The following YARS1 variants were observed in gnomAD, a reference collection of about 807,000 sequenced individuals.
YARS1 encodes tyrosine--tRNA ligase, cytoplasmic.
Under a neutral mutation model 62.2 loss-of-function variants are expected in YARS1, and 36 were observed. The observed-to-expected ratio is 0.58, with a 90% CI of 0.44 to 0.76. The LOEUF (loss-of-function observed/expected upper bound fraction) is 0.76. Ranked by LOEUF, YARS1 falls within the 30% of genes least tolerant of loss-of-function variation. The probability of loss-of-function intolerance (pLI) is 0.00; values close to 1 mark genes in which losing one functional copy is unlikely to be tolerated. For synonymous variants in YARS1, 234 were observed against 244.9 expected, an observed-to-expected ratio of 0.96 and a Z score of 0.42; for missense variants, 524 against 639.8, an observed-to-expected ratio of 0.82 and a Z score of 1.95.
chr1:32,795,331 A>C (rs1239243623), intron 5 of YARS1, among the ~76,000 whole-genome samples: 1 of 152,138 alleles, frequency 6.6e-6, no homozygotes, highest in Non-Finnish European at 1.5e-5. Flanking sequence ...AAAACAAAAA[A>C]CAAACAAACA....
At chr1:32,815,592 A>G (rs992669417) in intron 1 of YARS1, among the ~76,000 whole-genome samples, 1 of 152,242 alleles carries the variant, frequency 6.6e-6, no homozygotes, top group African/African-American at 2.4e-5. Context: ...TCAACCATAA[A>G]AAGGAATGAC....
At chr1:32,789,320 T>C (rs930419357) in intron 6 of YARS1, among the ~76,000 whole-genome samples, 7 of 152,226 alleles carry the variant, frequency 4.6e-5, no homozygotes, top group African/African-American at 1.7e-4. Flanking sequence ...AAATTGTTTT[T>C]TGAAAGGTAT....
chr1:32,781,048 C>T lies in YARS1; in HGVS notation c.1140G>A (p.Lys380=), dbSNP rs1487219726. 1.2e-6 allele frequency: 2 copies of T among 1,613,976 alleles called. No individual in the cohort carries two copies. The highest frequency in any genetic ancestry group is 1.1e-5 in the South Asian group (1 of 91,072). ...CTGAGATGTGGTGAAAAATGAGTAC[C>T]TTCTCCACAGTGATGATTTTCCCCA... ...IRVGKIITVE[K]HPDADSLYVE... Residue 380 remains lysine (K), a splice_region_variant and synonymous_variant, in exon 10 of 13, where the codon AAG becomes AAA. Coordinates refer to ENST00000373477, the MANE Select transcript of YARS1 (RefSeq NM_003680.4).
chr1:32,785,590 T>G (rs1653198796), intron 8 of YARS1, among the ~76,000 whole-genome samples: 1 of 151,996 alleles, frequency 6.6e-6, no homozygotes, highest in East Asian at 1.9e-4. Flanking sequence ...TCCTTTCTTT[T>G]TTTCTTTTTG....
At chr1:32,802,884 C>T (rs1638334633) in intron 4 of YARS1, among the ~76,000 whole-genome samples, 2 of 152,046 alleles carry the variant, frequency 1.3e-5, no homozygotes, top group Non-Finnish European at 2.9e-5. Context: ...GTGATCTCAC[C>T]TCACTGCAAT....
intron 6 of YARS1, among the ~76,000 whole-genome samples, chr1:32,788,243 G>C (rs1047224890): frequency 1.1e-4 from 17 of 152,094 alleles, no homozygotes; most frequent in Non-Finnish European, 1.8e-4. Flanking sequence ...GTGGCTACCT[G>C]GTCCTTACTT....
intron 3 of YARS1, among the ~76,000 whole-genome samples, chr1:32,807,724 C>G (rs1638495076): frequency 6.6e-6 from 1 of 152,116 alleles, no homozygotes; most frequent in African/African-American, 2.4e-5. Flanking sequence ...TACCAAAGTG[C>G]TGGGAAAACA....
intron 12 of YARS1, among the ~76,000 whole-genome samples, chr1:32,778,628 C>T (rs1041584158): frequency 6.6e-6 from 1 of 151,446 alleles, no homozygotes; most frequent in African/African-American, 2.4e-5. Context: ...AGAATGCTCT[C>T]GATCTCCTGA....
chr1:32,811,874 A>G (rs1261217088), intron 1 of YARS1, among the ~76,000 whole-genome samples: 2 of 152,172 alleles, frequency 1.3e-5, no homozygotes, highest in Admixed American at 1.3e-4. Flanking sequence ...CCCGTAAACC[A>G]AAACTAAACT....
intron 5 of YARS1, 194 bp downstream of exon 5, chr1:32,797,569 A>C: frequency 1.6e-6 from 1 of 613,436 alleles, no homozygotes; most frequent in Non-Finnish European, 2.9e-6. Context: ...CTGGGTACTA[A>C]TAATTCCTGC....
rs1412402279 is a variant in YARS1, at chr1:32,780,079, A to G, written c.1334+6T>C. The G allele has an allele frequency of 6.2e-7, 1 of 1,613,836 alleles. No homozygotes were observed. The highest frequency in any genetic ancestry group is 8.5e-7 in the Non-Finnish European group (1 of 1,179,944). On this transcript the variant is annotated splice_donor_region_variant and intron_variant, in intron 11 of 12. Transcript: ENST00000373477. ...GTCCTGTGCCCCACTCCAAGTCCTC[A>G]CTCACATAGAAGCACACAGAAGCAT...
chr1:32,799,610 G>C (rs1400660522), intron 4 of YARS1, among the ~76,000 whole-genome samples: 2 of 152,220 alleles, frequency 1.3e-5, no homozygotes, highest in African/African-American at 4.8e-5. Context: ...GAACAGTCTA[G>C]AACAGCATTA....
In YARS1 at chr1:32,775,948, GTGGTGGAAGAA is replaced by G. The variant is rs750871661; in HGVS notation, c.*22_*32del. 9 of 1,549,286 alleles carry G rather than the reference GTGGTGGAAGAA, an allele frequency of 5.8e-6. No individual in the cohort carries two copies. The African/African-American group carries it at 1.2e-4, about 21-fold the overall frequency. ...GACTGAAGAGACAGCAGATGACTCA[GTGGTGGAAGAA>G]GGGGGGAAGATGCTGGGCTGGCTAG... On this transcript the variant is annotated 3_prime_UTR_variant, in exon 13 of 13. Transcript: ENST00000373477.
intron 6 of YARS1, among the ~76,000 whole-genome samples, chr1:32,788,118 C>T (rs1163007613): frequency 1.3e-5 from 2 of 152,218 alleles, no homozygotes; most frequent in Non-Finnish European, 2.9e-5. Context: ...ATCCTGCCAT[C>T]TAACAAATTA....
intron 6 of YARS1, among the ~76,000 whole-genome samples, chr1:32,788,821 C>T (rs991645696): frequency 5.9e-5 from 9 of 152,180 alleles, no homozygotes; most frequent in African/African-American, 2.2e-4. Context: ...CCTGCCTCAG[C>T]TTCCCAAAGT....
At chr1:32,778,701 C>T (rs1190940405) in intron 12 of YARS1, among the ~76,000 whole-genome samples, 1 of 150,026 alleles carries the variant, frequency 6.7e-6, no homozygotes. Context: ...GCCACCACGC[C>T]CGGCCAATCC....
chr1:32,779,240 G>A, intron 12 of YARS1, 142 bp downstream of exon 12: 4 of 1,382,174 alleles, frequency 2.9e-6, no homozygotes, highest in Non-Finnish European at 4.1e-6. Context: ...AATTCAAAAA[G>A]GTCTGGAAAG....
At chr1:32,779,845 CTT>C in intron 11 of YARS1, 1 of 617,908 alleles carries the variant, frequency 1.6e-6, no homozygotes, top group Non-Finnish European at 2.8e-6. Context: ...AGTAGTAAGA[CTT>C]GGGTATGTAC....
At chr1:32,812,236 C>T (rs1041956435) in intron 1 of YARS1, among the ~76,000 whole-genome samples, 7 of 152,174 alleles carry the variant, frequency 4.6e-5, no homozygotes, top group African/African-American at 1.7e-4. Flanking sequence ...TGGTCTCGAA[C>T]TCTTGGCCTC....
Sources: allele counts gnomAD v4.1 joint callset (sites outside exome capture counted in the v4.1 genomes callset), GRCh38; gene constraint gnomAD v4.1.1; transcripts MANE v1.5; gene names NCBI Gene and HGNC (gene_info 2026-07-23, HGNC 2026-07-21).